Variants in SUN3 observed in about 807,000 individuals in gnomAD.
SUN3 encodes the protein Sad1 and UNC84 domain containing 3, also known as SUN domain-containing protein 3.
A neutral mutation model predicts 48.2 loss-of-function variants in SUN3; 36 were observed. The ratio of observed to expected loss-of-function variants is 0.75; its 90% CI spans 0.57 to 0.99. SUN3 has a LOEUF of 0.99. Ranked by LOEUF, SUN3 falls within the 50% of genes least tolerant of loss-of-function variation. The pLI, the probability that SUN3 is intolerant of heterozygous loss-of-function variation, is 0.00. For synonymous variants in SUN3, 148 were observed against 147.9 expected (o/e 1.00, Z 0.00); for missense variants, 419 against 433.1 (o/e 0.97, Z 0.29).
chr7:48,013,679 AAAT>A (rs1180885736), intron 3 of SUN3, among the ~76,000 whole-genome samples: 1 of 152,228 alleles, frequency 6.6e-6, no homozygotes, highest in Non-Finnish European at 1.5e-5. Context: ...TGTCATTATA[AAAT>A]AATATCTAAA....
At chr7:47,988,079 A>G (rs991421301) in intron 9 of SUN3, among the ~76,000 whole-genome samples, 10 of 152,216 alleles carry the variant, frequency 6.6e-5, no homozygotes, top group Non-Finnish European at 1.5e-4. Context: ...ATAAGAACAG[A>G]TAATATGAGC....
intron 6 of SUN3, among the ~76,000 whole-genome samples, chr7:48,004,421 C>G (rs543791642): frequency 1.3e-5 from 2 of 152,346 alleles, no homozygotes; most frequent in African/African-American, 4.8e-5. Flanking sequence ...ATTCAGTCCT[C>G]AAAACCTTTA....
In SUN3 at chr7:47,994,400, G is replaced by C. The variant is rs772352527; in HGVS notation, c.776C>G (p.Pro259Arg). Residue 259 changes from proline (P) to arginine (R), a missense_variant, in exon 8 of 10, where the codon CCA becomes CGA. Pro to Arg is a moderately radical substitution (Grantham distance 103). Transcript: ENST00000297325. The stretch of plus-strand genomic sequence containing the variant: ...GATGTGCTCCATGGTAACAGCAGTT[G>C]GTATGATCTTTGTAGCAAGCTTGAT... ...TLIKLATKII[P>R]TAVTMEHISE... 6 of 1,613,022 alleles carry C rather than the reference G, an allele frequency of 3.7e-6. No individual in the cohort carries two copies. Among genetic ancestry groups the C allele is most frequent in the Non-Finnish European group, 4.2e-6 (5 of 1,179,658 alleles).
chr7:48,012,808 G>A (rs551920656), intron 3 of SUN3, among the ~76,000 whole-genome samples: 3 of 152,296 alleles, frequency 2.0e-5, no homozygotes, highest in African/African-American at 7.2e-5. Context: ...GGGTCTTTTG[G>A]GGAGTGATTA....
At chr7:48,028,589 C>T (rs1790200195) in intron 1 of SUN3, among the ~76,000 whole-genome samples, 1 of 150,224 alleles carries the variant, frequency 6.7e-6, no homozygotes, top group Admixed American at 6.6e-5. Context: ...CTTAATCCTT[C>T]TCCCAAGTCT....
intron 2 of SUN3, 111 bp from the exon 3 acceptor site, chr7:48,017,476 A>T: frequency 3.0e-6 from 2 of 674,492 alleles, no homozygotes. Context: ...TACTCTTAAG[A>T]ATATCAGATC....
At chr7:48,035,747 C>T in the SUN3 span, 1 of 583,208 alleles carries the variant, frequency 1.7e-6, no homozygotes, top group South Asian at 2.0e-5. The surrounding 1 kb of genome is among the most constrained non-coding windows in gnomAD (Gnocchi z 4.0). Flanking sequence ...AGGGGACCAC[C>T]TTGTCGCCGG....
chr7:48,018,172 C>T (rs1316354992), intron 2 of SUN3, among the ~76,000 whole-genome samples: 2 of 152,116 alleles, frequency 1.3e-5, no homozygotes, highest in Non-Finnish European at 2.9e-5. Context: ...TTTTAGGTGG[C>T]CTGGCTTAGT....
intron 2 of SUN3, among the ~76,000 whole-genome samples, chr7:48,024,440 G>A (rs1790080417): frequency 6.6e-6 from 1 of 151,944 alleles, no homozygotes; most frequent in Non-Finnish European, 1.5e-5. Flanking sequence ...AGTCATTAGA[G>A]AAATCAAACC....
intron 2 of SUN3, among the ~76,000 whole-genome samples, chr7:48,019,817 G>A (rs115528036): frequency 0.027 from 4,086 of 151,530 alleles, 177 homozygotes; most frequent in African/African-American, 0.093. Context: ...GAACAGCCCG[G>A]GACCCCATGG....
At position 48,008,972 on chromosome 7, in the gene SUN3, C is replaced by T. The variant is rs997998430; in HGVS notation, c.329+63G>A. The T allele has an allele frequency of 6.6e-5, 100 of 1,511,478 alleles. No individual in the cohort carries two copies. In the South Asian group the frequency reaches 7.8e-4, roughly 12 times the overall value. 93.6% of individuals were successfully genotyped at this position (1,511,478 alleles called of 1,614,324 possible). On this transcript the variant is annotated intron_variant, in intron 4 of 9. Transcript: ENST00000297325. ...CTTTTCTTTCTTATACTTTTCTGTA[C>T]GAAAACATTTCAGTATTTGAAACCA...
intron 2 of SUN3, among the ~76,000 whole-genome samples, chr7:48,024,294 A>T (rs1270035427): frequency 6.6e-6 from 1 of 152,154 alleles, no homozygotes; most frequent in Non-Finnish European, 1.5e-5. Context: ...TCTAGAATAT[A>T]TTAAAAAACT....
At chr7:48,001,188 T>A (rs534806839) in intron 6 of SUN3, among the ~76,000 whole-genome samples, 2 of 152,292 alleles carry the variant, frequency 1.3e-5, no homozygotes, top group Admixed American at 1.3e-4. Context: ...GTCACCCAGG[T>A]GTTAAGCCTA....
At chr7:48,027,224 T>C (rs1214740636) in intron 1 of SUN3, among the ~76,000 whole-genome samples, 3 of 152,212 alleles carry the variant, frequency 2.0e-5, no homozygotes, top group East Asian at 1.9e-4. Context: ...GAATATATCA[T>C]GTGGGTATCC....
intron 8 of SUN3, among the ~76,000 whole-genome samples, chr7:47,991,596 A>AAAAACAAAAC (rs139889751): frequency 2.0e-5 from 3 of 151,158 alleles, no homozygotes. Flanking sequence ...AGTAAAACCA[A>AAAAACAAAAC]AAAACAAAAC....
At chr7:47,991,803 G>A (rs1044808260) in intron 8 of SUN3, among the ~76,000 whole-genome samples, 4 of 152,082 alleles carry the variant, frequency 2.6e-5, no homozygotes, top group Non-Finnish European at 4.4e-5. Flanking sequence ...AAAGCGTGAG[G>A]GGGAGTGTGG....
chr7:48,008,308 A>G (rs1789590727), intron 4 of SUN3, among the ~76,000 whole-genome samples: 1 of 152,248 alleles, frequency 6.6e-6, no homozygotes, highest in South Asian at 2.1e-4. Context: ...AGAAATAAAC[A>G]CTGTTAAATT....
intron 5 of SUN3, 38 bp downstream of exon 5, chr7:48,007,127 A>AC: frequency 6.3e-7 from 1 of 1,575,514 alleles, no homozygotes. Context: ...GCTAACCACC[A>AC]CCCCACCCTG....
chr7:48,016,905 A>G (rs1365073796), intron 3 of SUN3, among the ~76,000 whole-genome samples: 1 of 152,220 alleles, frequency 6.6e-6, no homozygotes, highest in Non-Finnish European at 1.5e-5. Context: ...GTGAAAGGGC[A>G]CAGGAACATG....
Sources: allele counts gnomAD v4.1 joint callset (sites outside exome capture counted in the v4.1 genomes callset), GRCh38; gene constraint gnomAD v4.1.1; non-coding constraint Gnocchi (gnomAD v3.1); transcripts MANE v1.5; gene names NCBI Gene and HGNC (gene_info 2026-07-23, HGNC 2026-07-21).